TRDN: variants seen among roughly 807,000 people sequenced by gnomAD.
The protein encoded by TRDN is triadin, also known as triadin in skeletal muscle.
In TRDN, 161 loss-of-function variants were observed where a neutral mutation model predicts 149.7. The ratio of observed to expected loss-of-function variants is 1.08; its 90% CI spans 0.95 to 1.23. The LOEUF is 1.23. Ranked by LOEUF, TRDN falls within the 50% of genes most tolerant of loss-of-function variation. The probability of loss-of-function intolerance (pLI) is 0.00; values close to 1 mark genes in which losing one functional copy is unlikely to be tolerated. For missense variants in TRDN, 896 were observed against 823.5 expected (o/e 1.09, Z -1.08); for synonymous variants, 294 against 250.5 (o/e 1.17, Z -1.64).
chr6:123,421,210 C>G (rs1773884620), intron 12 of TRDN, among the ~76,000 whole-genome samples: 1 of 152,188 alleles, frequency 6.6e-6, no homozygotes, highest in Non-Finnish European at 1.5e-5. Context: ...TCCTCTCAAT[C>G]TGCCACGTTG....
chr6:123,349,521 C>T (rs777067432), intron 21 of TRDN: 19 of 897,380 alleles, frequency 2.1e-5, no homozygotes, highest in Non-Finnish European at 2.5e-5. Context: ...AACAGCATGA[C>T]TTAGTCAACA....
chr6:123,497,107 GA>G (rs1358214589), intron 9 of TRDN, 85 bp downstream of exon 9: 7 of 1,051,484 alleles, frequency 6.7e-6, no homozygotes, highest in Non-Finnish European at 9.3e-6. Flanking sequence ...TTTAAAAAAT[GA>G]AAATACAGTT....
chr6:123,226,325 G>A (rs150438562), intron 38 of TRDN, among the ~76,000 whole-genome samples: 7 of 151,918 alleles, frequency 4.6e-5, no homozygotes, highest in East Asian at 1.9e-4. Context: ...TCTTAATTGT[G>A]TAATAAGGTC....
At chr6:123,514,832 C>T (rs1779345683) in intron 6 of TRDN, among the ~76,000 whole-genome samples, 1 of 151,734 alleles carries the variant, frequency 6.6e-6, no homozygotes, top group Non-Finnish European at 1.5e-5. Context: ...AACACAGGAA[C>T]AGAAAACCAA....
chr6:123,456,433 T>C (rs903799127), intron 10 of TRDN, among the ~76,000 whole-genome samples: 3 of 152,114 alleles, frequency 2.0e-5, no homozygotes, highest in Admixed American at 6.6e-5. Flanking sequence ...ATTACAAATG[T>C]TTTTATATAA....
At chr6:123,347,282 T>A (rs191972414) in intron 21 of TRDN, among the ~76,000 whole-genome samples, 3 of 152,250 alleles carry the variant, frequency 2.0e-5, no homozygotes, top group Admixed American at 1.3e-4. Flanking sequence ...ATTGCCATGT[T>A]GTAAAAATAA....
At position 123,271,127 on chromosome 6, in the gene TRDN, T is replaced by C; in HGVS notation, c.1720+12A>G. ...ATGAGACATAGAAAAAAATATAAAA[T>C]ACCTTATTTACCTGTTTTTTCTATT... On this transcript the variant is annotated intron_variant, in intron 30 of 40. Transcript: ENST00000334268. 6.7e-7 allele frequency: 1 copy of C among 1,502,148 alleles called. No homozygotes were observed. Among genetic ancestry groups the C allele is most frequent in the Non-Finnish European group, 8.9e-7 (1 of 1,118,264 alleles). 93.1% of individuals were successfully genotyped at this position (1,502,148 alleles called of 1,614,324 possible). A position where few individuals can be genotyped will look rare whatever the true frequency, so the allele number is the denominator to read the frequency against.
Position 123,216,814 on chromosome 6 carries a change from A to T in TRDN, c.*1787T>A, listed in dbSNP as rs927529794. On this transcript the variant is annotated 3_prime_UTR_variant, in exon 41 of 41. Transcript: ENST00000334268. ...TTATATTTTTCTTGTACAATACAGC[A>T]CCTAACACAGCGCCCTAAAAGAGTA... 9 of 151,950 alleles carry T rather than the reference A, an allele frequency of 5.9e-5. No individual in the cohort carries two copies. Among genetic ancestry groups the T allele is most frequent in the Admixed American group, 3.9e-4 (6 of 15,214 alleles). 9.4% of individuals were successfully genotyped at this position (151,950 alleles called of 1,614,324 possible).
intron 9 of TRDN, among the ~76,000 whole-genome samples, chr6:123,493,327 A>T (rs769228532): frequency 6.6e-6 from 1 of 152,100 alleles, no homozygotes; most frequent in Non-Finnish European, 1.5e-5. Context: ...TGAAGTGAGG[A>T]TTATCCCTGA....
intron 5 of TRDN, among the ~76,000 whole-genome samples, chr6:123,526,299 T>C (rs1186210832): frequency 6.6e-6 from 1 of 151,882 alleles, no homozygotes; most frequent in East Asian, 1.9e-4. Context: ...TAGGAACTGA[T>C]AGATATGTAC....
chr6:123,574,580 C>G (rs1445121805), intron 1 of TRDN, among the ~76,000 whole-genome samples: 1 of 151,646 alleles, frequency 6.6e-6, no homozygotes, highest in Non-Finnish European at 1.5e-5. Flanking sequence ...TAGGACTGGC[C>G]CACCTGAAAG....
chr6:123,513,711 T>A (rs1157191972), intron 6 of TRDN, among the ~76,000 whole-genome samples: 2 of 152,120 alleles, frequency 1.3e-5, no homozygotes, highest in Non-Finnish European at 2.9e-5. Flanking sequence ...AAATTTTCTT[T>A]TTTTTCTGTA....
At chr6:123,328,075 T>C (rs1779526748) in intron 23 of TRDN, among the ~76,000 whole-genome samples, 1 of 152,218 alleles carries the variant, frequency 6.6e-6, no homozygotes, top group South Asian at 2.1e-4. Context: ...CCACATTTTC[T>C]CCATACTGTT....
intron 23 of TRDN, among the ~76,000 whole-genome samples, chr6:123,318,643 C>T (rs1203536819): frequency 1.3e-5 from 2 of 152,034 alleles, no homozygotes; most frequent in Non-Finnish European, 2.9e-5. Flanking sequence ...TAGCATTTTG[C>T]TCATCAATAA....
At chr6:123,273,430 AC>A (rs1777271762) in intron 27 of TRDN, 67 bp from the exon 28 acceptor site, 1 of 756,596 alleles carries the variant, frequency 1.3e-6, no homozygotes, top group Non-Finnish European at 1.8e-6. Flanking sequence ...AATAACAAAT[AC>A]AACTGGTTAT....
intron 9 of TRDN, among the ~76,000 whole-genome samples, chr6:123,476,628 C>A (rs1489426130): frequency 6.7e-6 from 1 of 148,162 alleles, no homozygotes; most frequent in Non-Finnish European, 1.5e-5. Flanking sequence ...AAGAACAAAG[C>A]TGGAGGCATC....
intron 26 of TRDN, among the ~76,000 whole-genome samples, chr6:123,275,751 T>C (rs1286529025): frequency 2.0e-5 from 3 of 152,148 alleles, no homozygotes; most frequent in Non-Finnish European, 4.4e-5. Context: ...ATATTGACAT[T>C]AAAGGTTATT....
At chr6:123,236,543 T>C (rs915108814) in intron 38 of TRDN, among the ~76,000 whole-genome samples, 1 of 152,198 alleles carries the variant, frequency 6.6e-6, no homozygotes, top group Non-Finnish European at 1.5e-5. Flanking sequence ...GTCTCAAAGA[T>C]GTTTTCTCCT....
At position 123,267,724 on chromosome 6, in the gene TRDN, G is replaced by T. The variant is rs371717903; in HGVS notation, c.1766C>A (p.Pro589His). Residue 589 changes from proline (P) to histidine (H), a missense_variant, in exon 32 of 41, where the codon CCT (proline) becomes CAT (histidine). Transcript: ENST00000334268. ...TKKAEHRERE[P>H]PSIKTDKPKP... The stretch of plus-strand genomic sequence containing the variant: ...TAAAATACCTGTTTTTATAGATGGA[G>T]GTTCTCTTTCTCGATGTTCAGCTTT... The T allele has an allele frequency of 3.8e-6, 6 of 1,580,606 alleles. No homozygotes were observed. The highest frequency in any genetic ancestry group is 1.2e-5 in the South Asian group (1 of 85,450).
Sources: allele counts gnomAD v4.1 joint callset (sites outside exome capture counted in the v4.1 genomes callset), GRCh38; gene constraint gnomAD v4.1.1; transcripts MANE v1.5; gene names NCBI Gene and HGNC (gene_info 2026-07-23, HGNC 2026-07-21).